Variants in DLG2 observed in about 807,000 individuals in gnomAD.
DLG2 encodes discs large MAGUK scaffold protein 2.
DLG2 carries 45 observed loss-of-function variants against 132.5 expected under a neutral mutation model. The ratio of observed to expected loss-of-function variants is 0.34; its 90% CI spans 0.27 to 0.44. The LOEUF is 0.44. DLG2 is among the 20% of genes least tolerant of loss of function. The pLI is 1.00. For synonymous variants in DLG2, 424 were observed against 419.6 expected (o/e 1.01, Z -0.13); for missense variants, 1,045 against 1,196.9 (o/e 0.87, Z 1.87).
rs141594051 is a variant in DLG2 at position 83,863,156 on chromosome 11, T to G, written c.1565+11264A>C. 3.3e-5 allele frequency among the ~76,000 whole-genome samples: 5 copies of G among 152,340 alleles called. No individual in the cohort carries two copies. The East Asian group carries it at 9.6e-4, about 29-fold the overall frequency. ...CCCAGATATCTGGAAGGAACCTATG[T>G]GTGTTCACATATTTGAGCTAGCACA... On this transcript the variant is annotated intron_variant, in intron 16 of 27. Coordinates refer to ENST00000376104, the MANE Select transcript of DLG2 (RefSeq NM_001142699.3).
intron 15 of DLG2, among the ~76,000 whole-genome samples, chr11:83,906,548 AGT>A (rs1392342326): frequency 6.6e-6 from 1 of 152,156 alleles, no homozygotes; most frequent in Non-Finnish European, 1.5e-5. Flanking sequence ...TGGAGAGAGT[AGT>A]GTGATGTGGG....
Position 85,052,625 on chromosome 11 carries a change from C to T in DLG2, c.357+59036G>A, listed in dbSNP as rs531499635. On this transcript the variant is annotated intron_variant, in intron 6 of 27. Coordinates refer to ENST00000376104, the MANE Select transcript of DLG2 (RefSeq NM_001142699.3). Reference sequence around the variant, plus strand: ...TTGGCAATGTAATGACTGATATAAGCACTAGAGTCATTAACATGTATTTAC... The same window carrying T: ...TTGGCAATGTAATGACTGATATAAGTACTAGAGTCATTAACATGTATTTAC... Among the ~76,000 whole-genome samples, 37 of 152,272 alleles carry T rather than the reference C, an allele frequency of 2.4e-4. 1 individual carries two copies. The South Asian group carries it at 7.7e-3, about 32-fold the overall frequency.
At chr11:84,581,669 G>T (rs1395529488) in intron 6 of DLG2, among the ~76,000 whole-genome samples, 2 of 151,872 alleles carry the variant, frequency 1.3e-5, no homozygotes, top group African/African-American at 4.8e-5. Context: ...AGCACTTTGG[G>T]AGGCCGAGGT....
Position 85,393,449 on chromosome 11 carries a change from C to T in DLG2, c.41-108084G>A, listed in dbSNP as rs570781305. Among the ~76,000 whole-genome samples the T allele has an allele frequency of 1.1e-4, 17 of 152,220 alleles. No individual in the cohort carries two copies. In the South Asian group the frequency reaches 3.5e-3, roughly 32 times the overall value. On this transcript the variant is annotated intron_variant, in intron 3 of 27. Coordinates refer to ENST00000376104, the MANE Select transcript of DLG2 (RefSeq NM_001142699.3). ...CTAAAAGTAAATCAACCATTTGATTCAGCAATCCCACTCCTGGATATCTAC... is the reference window on the plus strand; with the variant it reads ...CTAAAAGTAAATCAACCATTTGATTTAGCAATCCCACTCCTGGATATCTAC...
intron 7 of DLG2, among the ~76,000 whole-genome samples, chr11:84,426,060 A>C (rs1297420181): frequency 6.6e-6 from 1 of 152,078 alleles, no homozygotes; most frequent in Non-Finnish European, 1.5e-5. Flanking sequence ...CAATACCACC[A>C]CTCAAAAATA....
chr11:84,687,227 A>G (rs769150455), intron 6 of DLG2: 1 of 152,102 alleles, frequency 6.6e-6, no homozygotes, highest in Non-Finnish European at 1.5e-5. Context: ...TTCTAACTAC[A>G]TCTGCTGGAA....
chr11:83,734,734 A>G (rs896848772), intron 18 of DLG2, among the ~76,000 whole-genome samples: 1 of 152,198 alleles, frequency 6.6e-6, no homozygotes, highest in African/African-American at 2.4e-5. Flanking sequence ...TATAGGCATA[A>G]GCCACTGTAC....
chr11:84,720,572 G>C (rs1442138967), intron 6 of DLG2: 1 of 756,230 alleles, frequency 1.3e-6, no homozygotes, highest in South Asian at 5.9e-5. Context: ...CGAGCCTCTC[G>C]GGGTCTCCCT....
chr11:85,078,983 C>A (rs349061), intron 6 of DLG2, among the ~76,000 whole-genome samples: 21,669 of 151,728 alleles, frequency 0.14, 1,704 homozygotes, highest in South Asian at 0.29. Context: ...AGAACATGCA[C>A]CCAAGGTAGT....
Position 84,752,228 on chromosome 11 carries a change from GTA to G in DLG2, c.358-217499_358-217498del, listed in dbSNP as rs914656268. The stretch of plus-strand genomic sequence containing the variant: ...ACTTCACTTTCCTTCATTCACTTAA[GTA>G]TGTTTATTGAAGACCTACTATTTCC... On this transcript the variant is annotated intron_variant, in intron 6 of 27. Transcript: ENST00000376104. Among the ~76,000 whole-genome samples the G allele has an allele frequency of 4.2e-4, 64 of 152,212 alleles. 1 individual carries two copies. The highest frequency in any genetic ancestry group is 1.5e-3 in the African/African-American group (62 of 41,540).
At chr11:84,533,068 T>C (rs2099346680) in intron 7 of DLG2, among the ~76,000 whole-genome samples, 1 of 152,236 alleles carries the variant, frequency 6.6e-6, no homozygotes, top group African/African-American at 2.4e-5. Flanking sequence ...AGGAGTCTTT[T>C]CTACAAAACC....
chr11:83,745,466 T>G (rs973217535), intron 18 of DLG2, among the ~76,000 whole-genome samples: 1 of 152,146 alleles, frequency 6.6e-6, no homozygotes, highest in Non-Finnish European at 1.5e-5. Flanking sequence ...CTTCTTCCTC[T>G]GTCCTAGCTC....
At chr11:84,614,395 C>T (rs1454060107) in intron 6 of DLG2, among the ~76,000 whole-genome samples, 2 of 152,148 alleles carry the variant, frequency 1.3e-5, no homozygotes, top group Non-Finnish European at 2.9e-5. Context: ...AAGCCTGACA[C>T]ACTTGTGGAA....
chr11:85,533,476 T>TATATATATATATAA (rs1233917527), intron 3 of DLG2, among the ~76,000 whole-genome samples: 252 of 148,556 alleles, frequency 1.7e-3, no homozygotes, highest in African/African-American at 4.0e-3. Context: ...TATATATATA[T>TATATATATATATAA]AATTCTTTTT....
intron 20 of DLG2, 25 bp from the exon 21 acceptor site, chr11:83,532,808 T>TCACGTGA: frequency 6.2e-7 from 1 of 1,600,638 alleles, no homozygotes; most frequent in Non-Finnish European, 8.5e-7. Flanking sequence ...GAATAAAGAG[T>TCACGTGA]CTCTCACGTG....
At chr11:84,567,625 T>G (rs892722994) in intron 6 of DLG2, among the ~76,000 whole-genome samples, 3 of 152,240 alleles carry the variant, frequency 2.0e-5, no homozygotes, top group African/African-American at 7.2e-5. Context: ...GCCATACTGT[T>G]AAAGTACAAA....
At chr11:84,270,013 T>C (rs1025838399) in intron 7 of DLG2, among the ~76,000 whole-genome samples, 1 of 152,216 alleles carries the variant, frequency 6.6e-6, no homozygotes, top group Admixed American at 6.5e-5. Flanking sequence ...GTGAGTGAGC[T>C]GATTGAACTA....
intron 18 of DLG2, among the ~76,000 whole-genome samples, chr11:83,700,053 G>A (rs959784640): frequency 6.6e-6 from 1 of 151,450 alleles, no homozygotes; most frequent in African/African-American, 2.4e-5. Context: ...ACGAATGAGG[G>A]CAGGAGAGGA....
intron 21 of DLG2, among the ~76,000 whole-genome samples, chr11:83,498,699 T>C (rs1160141211): frequency 3.4e-5 from 5 of 147,242 alleles, no homozygotes; most frequent in Admixed American, 1.3e-4. Context: ...ATAATAAATA[T>C]TAGAACAGAA....
Sources: allele counts gnomAD v4.1 joint callset (sites outside exome capture counted in the v4.1 genomes callset), GRCh38; gene constraint gnomAD v4.1.1; transcripts MANE v1.5; gene names NCBI Gene and HGNC (gene_info 2026-07-23, HGNC 2026-07-21).